The following GALNTL6 variants were observed in gnomAD, a reference collection of about 807,000 sequenced individuals.
GALNTL6 encodes the protein polypeptide N-acetylgalactosaminyltransferase-like 6.
In GALNTL6, 46 loss-of-function variants were observed where a neutral mutation model predicts 73.7. The observed-to-expected ratio is 0.62, with a 90% CI of 0.49 to 0.80. The LOEUF is 0.80. Ranked by LOEUF, GALNTL6 falls within the 30% of genes least tolerant of loss-of-function variation. GALNTL6 has a pLI of 0.00. For synonymous variants in GALNTL6, 259 were observed against 263.7 expected, an observed-to-expected ratio of 0.98 and a Z score of 0.17; for missense variants, 604 against 755.0, an observed-to-expected ratio of 0.80 and a Z score of 2.34.
At chr4:172,006,810 A>G (rs541987487) in intron 2 of GALNTL6, among the ~76,000 whole-genome samples, 1 of 152,060 alleles carries the variant, frequency 6.6e-6, no homozygotes, top group Non-Finnish European at 1.5e-5. Context: ...GACTTTCTGG[A>G]TTCTGAGGTT....
intron 2 of GALNTL6, among the ~76,000 whole-genome samples, chr4:172,217,092 C>T (rs1736519807): frequency 6.6e-6 from 1 of 152,078 alleles, no homozygotes; most frequent in South Asian, 2.1e-4. Flanking sequence ...TGTGGCTGCC[C>T]TTAGACACAA....
Position 172,375,977 on chromosome 4 carries a change from T to C in GALNTL6, c.553+27288T>C, listed in dbSNP as rs188841591. Among the ~76,000 whole-genome samples, 124 of 152,258 alleles carry C rather than the reference T, an allele frequency of 8.1e-4. 1 individual carries two copies. In the South Asian group the frequency reaches 0.016, roughly 20 times the overall value. On this transcript the variant is annotated intron_variant, in intron 5 of 12. Transcript: ENST00000506823. The stretch of plus-strand genomic sequence containing the variant: ...GAAGAGTGATGCCCTTTGTCCTCAC[T>C]TACATGAATAGGAAGGATACAATTT...
chr4:172,192,463 C>A (rs1376625096), intron 2 of GALNTL6, among the ~76,000 whole-genome samples: 1 of 151,768 alleles, frequency 6.6e-6, no homozygotes, highest in Non-Finnish European at 1.5e-5. Context: ...GAATCCTGCA[C>A]CTTCAGCTGA....
intron 2 of GALNTL6, among the ~76,000 whole-genome samples, chr4:172,188,618 G>T (rs1735483504): frequency 6.6e-6 from 1 of 152,208 alleles, no homozygotes; most frequent in Non-Finnish European, 1.5e-5. Context: ...GCAAATTACA[G>T]GGTGTGCTAA....
chr4:171,834,298 T>C (rs567049608), intron 2 of GALNTL6, among the ~76,000 whole-genome samples: 2 of 151,982 alleles, frequency 1.3e-5, no homozygotes, highest in Non-Finnish European at 2.9e-5. Context: ...AGAAACTAAG[T>C]GAATGTATTG....
At chr4:172,815,643 A>G (rs1741562408) in intron 7 of GALNTL6, among the ~76,000 whole-genome samples, 1 of 152,186 alleles carries the variant, frequency 6.6e-6, no homozygotes, top group South Asian at 2.1e-4. Context: ...ACTGACAGTC[A>G]ACATTTTTGT....
intron 3 of GALNTL6, among the ~76,000 whole-genome samples, chr4:172,306,560 C>A (rs1345702202): frequency 3.3e-5 from 5 of 151,976 alleles, no homozygotes; most frequent in Non-Finnish European, 5.9e-5. Flanking sequence ...TTGGGTGTAC[C>A]CATCACCTAA....
At chr4:171,936,994 A>G (rs147661520) in intron 2 of GALNTL6, among the ~76,000 whole-genome samples, 1 of 152,212 alleles carries the variant, frequency 6.6e-6, no homozygotes, top group East Asian at 1.9e-4. Flanking sequence ...CTGCAAGATC[A>G]CGCTTCACAA....
intron 7 of GALNTL6, among the ~76,000 whole-genome samples, chr4:172,881,320 G>C (rs1745439832): frequency 6.6e-6 from 1 of 152,034 alleles, no homozygotes; most frequent in Non-Finnish European, 1.5e-5. Flanking sequence ...TATGATTCTA[G>C]GATTTTTATT....
rs1553985721 is a variant in GALNTL6, at chr4:172,761,669, T to TCTCTCTC, written c.554-47692_554-47691insCTCTCTC. Among the ~76,000 whole-genome samples the TCTCTCTC allele has an allele frequency of 5.2e-3, 764 of 147,274 alleles. 8 individuals carry two copies. Among genetic ancestry groups the TCTCTCTC allele is most frequent in the African/African-American group, 0.016 (628 of 39,434 alleles). On this transcript the variant is annotated intron_variant, in intron 5 of 12. Transcript: ENST00000506823. ...TGTGAGAGCTTCGCCCTTGCTCTCT[T>TCTCTCTC]TCTCTCTCTCTCTCTCTCTCTCTCT...
At chr4:172,150,451 T>A (rs1260410565) in intron 2 of GALNTL6, among the ~76,000 whole-genome samples, 1 of 152,146 alleles carries the variant, frequency 6.6e-6, no homozygotes, top group Non-Finnish European at 1.5e-5. Flanking sequence ...ATGAGTTACA[T>A]GAGTAGAATG....
At chr4:171,906,486 A>G (rs914302663) in intron 2 of GALNTL6, among the ~76,000 whole-genome samples, 4 of 152,020 alleles carry the variant, frequency 2.6e-5, no homozygotes, top group African/African-American at 9.7e-5. Flanking sequence ...AGGCTCTGAA[A>G]TTGTGGCAAT....
intron 5 of GALNTL6, among the ~76,000 whole-genome samples, chr4:172,636,568 G>T (rs1196828005): frequency 6.6e-6 from 1 of 152,104 alleles, no homozygotes; most frequent in East Asian, 1.9e-4. Flanking sequence ...AGTGAAATGG[G>T]GCCACAAGAC....
chr4:172,268,593 T>C (rs73870051), intron 3 of GALNTL6, among the ~76,000 whole-genome samples: 2,412 of 152,288 alleles, frequency 0.016, 62 homozygotes, highest in African/African-American at 0.054. Context: ...AGCTAATACC[T>C]TTCGCAGTTG....
Position 172,800,238 on chromosome 4 carries a change from G to A in GALNTL6, c.554-9123G>A, listed in dbSNP as rs1255198103. Among the ~76,000 whole-genome samples, 6 of 152,190 alleles carry A rather than the reference G, an allele frequency of 3.9e-5. No individual in the cohort carries two copies. The East Asian group carries it at 9.6e-4, about 24-fold the overall frequency. ...TGAACACTTAAAAATGATTAAGAAGGCGAATTTTATATTACATGTATTTTA... is the reference window on the plus strand; with the variant it reads ...TGAACACTTAAAAATGATTAAGAAGACGAATTTTATATTACATGTATTTTA... On this transcript the variant is annotated intron_variant, in intron 5 of 12. Transcript: ENST00000506823.
intron 2 of GALNTL6, among the ~76,000 whole-genome samples, chr4:171,970,256 C>G (rs1579017948): frequency 6.6e-6 from 1 of 152,192 alleles, no homozygotes; most frequent in South Asian, 2.1e-4. Context: ...GAGAGAAATT[C>G]TAAGCTTAAA....
At chr4:172,894,719 G>A (rs531567730) in intron 8 of GALNTL6, among the ~76,000 whole-genome samples, 1 of 152,176 alleles carries the variant, frequency 6.6e-6, no homozygotes, top group African/African-American at 2.4e-5. Flanking sequence ...GTTCAATTAT[G>A]ATGTCTCTTT....
At chr4:172,582,332 T>C (rs1021933952) in intron 5 of GALNTL6, among the ~76,000 whole-genome samples, 1 of 152,198 alleles carries the variant, frequency 6.6e-6, no homozygotes, top group Non-Finnish European at 1.5e-5. Context: ...TTTCTCCATC[T>C]GTAAAATGGA....
At chr4:172,987,985 T>A (rs901099771) in intron 10 of GALNTL6, among the ~76,000 whole-genome samples, 4 of 152,138 alleles carry the variant, frequency 2.6e-5, no homozygotes, top group Non-Finnish European at 5.9e-5. Flanking sequence ...AGTGAAAGAA[T>A]GGACTAATAC....
Sources: allele counts gnomAD v4.1 joint callset (sites outside exome capture counted in the v4.1 genomes callset), GRCh38; gene constraint gnomAD v4.1.1; transcripts MANE v1.5; gene names NCBI Gene and HGNC (gene_info 2026-07-23, HGNC 2026-07-21).